RAB44: variants seen among roughly 807,000 people sequenced by gnomAD.
The protein encoded by RAB44 is RAB44, member RAS oncogene family.
RAB44 carries 67 observed loss-of-function variants against 93.3 expected under a neutral mutation model. The ratio of observed to expected loss-of-function variants is 0.72; its 90% CI spans 0.59 to 0.88. The LOEUF (loss-of-function observed/expected upper bound fraction) is 0.88. Ranked by LOEUF, RAB44 falls within the 40% of genes least tolerant of loss-of-function variation. RAB44 has a pLI of 0.00. For missense variants in RAB44, 1,064 were observed against 1,261.7 expected (o/e 0.84, Z 2.37); for synonymous variants, 427 against 520.3 (o/e 0.82, Z 2.44).
intron 1 of RAB44, among the ~76,000 whole-genome samples, chr6:36,698,358 C>T (rs182803890): frequency 1.9e-3 from 283 of 152,260 alleles, no homozygotes; most frequent in Middle Eastern, 3.4e-3. Context: ...GTGATGGATA[C>T]CCGGAGGCCC....
chr6:36,701,911 C>T (rs1036939499), intron 1 of RAB44, among the ~76,000 whole-genome samples: 3 of 151,970 alleles, frequency 2.0e-5, no homozygotes, highest in Non-Finnish European at 4.4e-5. Context: ...TGTCTGCCAG[C>T]AGGAAGTACC....
intron 9 of RAB44, among the ~76,000 whole-genome samples, chr6:36,725,149 C>A (rs977264484): frequency 1.3e-5 from 2 of 152,208 alleles, no homozygotes; most frequent in Non-Finnish European, 2.9e-5. Flanking sequence ...TTCAGAATTG[C>A]ATGCTCTCTG....
At position 36,721,917 on chromosome 6, in the gene RAB44, G is replaced by A. The variant is rs1450915769; in HGVS notation, c.1783G>A (p.Ala595Thr). The change falls in exon 9 of 14, where the codon GCC becomes ACC. Residue 595 changes from alanine (A) to threonine (T), a missense_variant. Ala to Thr is a moderately conservative substitution (Grantham distance 58). Transcript: ENST00000612677. ...QRDALQQDLH[A>T]TGSEPRLGTQ... ...AGATGCCCTCCAGCAGGACCTGCAT[G>A]CCACTGGCTCTGAGCCAAGACTGGG... 4.9e-6 allele frequency: 6 copies of A among 1,234,782 alleles called. No homozygotes were observed. The allele number at this position is 1,234,782 out of a possible 1,614,324, so 76.5% of individuals were successfully genotyped here.
chr6:36,729,465 A>G (rs1763309877), intron 12 of RAB44, among the ~76,000 whole-genome samples: 1 of 147,982 alleles, frequency 6.8e-6, no homozygotes, highest in South Asian at 2.1e-4. Flanking sequence ...CTGGAAGGGA[A>G]TTTTTTTTCT....
rs1763337026 is a variant in RAB44 at position 36,730,583 on chromosome 6, CTG to C, written c.2899-89_2899-88del. On this transcript the variant is annotated intron_variant, in intron 12 of 13. Coordinates refer to ENST00000612677, the MANE Select transcript of RAB44 (RefSeq NM_001257357.2). ...GTCAGCTTAGGGATGCATTGGGACT[CTG>C]ATGGCCGGGACTTTAGTGGCGGGGT... 3.8e-6 allele frequency: 3 copies of C among 797,324 alleles called. No homozygotes were observed. In the East Asian group the frequency reaches 1.0e-4, roughly 27 times the overall value. The allele number at this position is 797,324 out of a possible 1,614,324, so 49.4% of individuals were successfully genotyped here. A position where few individuals can be genotyped will look rare whatever the true frequency, so the allele number is the denominator to read the frequency against.
intron 3 of RAB44, among the ~76,000 whole-genome samples, chr6:36,714,303 G>A (rs983991638): frequency 4.1e-4 from 62 of 152,298 alleles, no homozygotes; most frequent in Admixed American, 1.8e-3. Context: ...CTTTCCAGGT[G>A]CTGAGCCCCC....
At chr6:36,711,074 A>G (rs1476659823) in intron 2 of RAB44, among the ~76,000 whole-genome samples, 1 of 152,250 alleles carries the variant, frequency 6.6e-6, no homozygotes, top group East Asian at 1.9e-4. Flanking sequence ...TTTGTTTTAG[A>G]AATTATCCAG....
intron 2 of RAB44, among the ~76,000 whole-genome samples, chr6:36,704,984 G>A (rs575466857): frequency 6.0e-4 from 92 of 152,172 alleles, no homozygotes; most frequent in African/African-American, 2.0e-3. Context: ...GCCAGGCATG[G>A]TGGTAGGTGC....
At position 36,730,751 on chromosome 6, in the gene RAB44, T is replaced by G. The variant is rs1763343311; in HGVS notation, c.2975+2T>G. ...GGAGCCTGTAGTAAACCTGGCCAGG[T>G]AAGTGCTGCCCGCCCCCCGCCGCCC... On this transcript the variant is annotated splice_donor_variant, in intron 13 of 13. Coordinates refer to ENST00000612677, the MANE Select transcript of RAB44 (RefSeq NM_001257357.2). LOFTEE classifies it high-confidence loss of function. 8.1e-7 allele frequency: 1 copy of G among 1,230,754 alleles called. No individual in the cohort carries two copies. The highest frequency in any genetic ancestry group is 4.2e-5 in the Admixed American group (1 of 23,614). 76.2% of individuals were successfully genotyped at this position (1,230,754 alleles called of 1,614,324 possible). A position where few individuals can be genotyped will look rare whatever the true frequency, so the allele number is the denominator to read the frequency against.
chr6:36,726,075 A>C (rs1355079670), intron 10 of RAB44, 132 bp downstream of exon 10: 5 of 692,008 alleles, frequency 7.2e-6, no homozygotes, highest in African/African-American at 3.5e-5. Context: ...AGGGAAGGAG[A>C]GATGAGTCAA....
chr6:36,706,765 C>T (rs1762659462), intron 2 of RAB44, among the ~76,000 whole-genome samples: 1 of 150,126 alleles, frequency 6.7e-6, no homozygotes, highest in African/African-American at 2.5e-5. Context: ...CTTGCTCTTT[C>T]ACCTAGGCTG....
At position 36,731,377 on chromosome 6, in the gene RAB44, A is replaced by AT. The variant is rs1374036186; in HGVS notation, c.2976-625dup. Among the ~76,000 whole-genome samples the AT allele has an allele frequency of 6.6e-6, 1 of 152,186 alleles. No individual in the cohort carries two copies. The highest frequency in any genetic ancestry group is 1.9e-4 in the East Asian group (1 of 5,200). On this transcript the variant is annotated intron_variant, in intron 13 of 13. Coordinates refer to ENST00000612677, the MANE Select transcript of RAB44 (RefSeq NM_001257357.2). The surrounding 1 kb of genome is among the most constrained non-coding windows in gnomAD (Gnocchi z 4.0). ...TCTTGTTGTCCAGGAAGGCAGGGCC[A>AT]TGTCTGTTTTGTTCAGCCCCTCTCC...
chr6:36,720,614 T>C (rs1226077570), intron 8 of RAB44, 64 bp downstream of exon 8: 1 of 1,160,542 alleles, frequency 8.6e-7, no homozygotes, highest in Non-Finnish European at 1.1e-6. Context: ...AGTGGGGAAC[T>C]CTGAGTTCTC....
intron 13 of RAB44, among the ~76,000 whole-genome samples, 195 bp downstream of exon 13, chr6:36,730,944 C>A (rs1763350541): frequency 6.6e-6 from 1 of 152,076 alleles, no homozygotes; most frequent in Non-Finnish European, 1.5e-5. Context: ...AGTCTCCTGA[C>A]TCCAGCTCTG....
In RAB44 at chr6:36,732,003, G is replaced by A; in HGVS notation, c.2976G>A (p.Arg992=). The change falls in exon 14 of 14, where the codon AGG becomes AGA. Residue 992 remains arginine, a splice_region_variant and synonymous_variant. Coordinates refer to ENST00000612677, the MANE Select transcript of RAB44 (RefSeq NM_001257357.2). ...NILEPVVNLA[R]SLRMQEEGLK... ...CCTGATGCCTGGCACTGTCACATAG[G>A]TCACTCAGGATGCAAGAAGAAGGCC... 1 of 1,234,040 alleles carries A rather than the reference G, an allele frequency of 8.1e-7. No individual in the cohort carries two copies. Among genetic ancestry groups the A allele is most frequent in the Non-Finnish European group, 1.0e-6 (1 of 988,162 alleles). 76.4% of individuals were successfully genotyped at this position (1,234,040 alleles called of 1,614,324 possible).
chr6:36,715,879 G>T (rs558991322), intron 4 of RAB44, among the ~76,000 whole-genome samples: 11 of 152,318 alleles, frequency 7.2e-5, no homozygotes, highest in African/African-American at 2.6e-4. Flanking sequence ...TTAAAACCAC[G>T]TGCAGAGGAT....
Position 36,721,788 on chromosome 6 carries a change from C to T in RAB44, c.1654C>T (p.Pro552Ser). The T allele has an allele frequency of 8.1e-7, 1 of 1,234,534 alleles. No homozygotes were observed. Among genetic ancestry groups the T allele is most frequent in the African/African-American group, 1.5e-5 (1 of 64,608 alleles). 76.5% of individuals were successfully genotyped at this position (1,234,534 alleles called of 1,614,324 possible). A position where few individuals can be genotyped will look rare whatever the true frequency, so the allele number is the denominator to read the frequency against. ...QPGAGAGPQE[P>S]TQTPPTMTER... is the part of the protein sequence containing the mutation. ...TGGGGCTGGAGCAGGACCCCAGGAACCCACACAAACCCCTCCCACCATGAC... is the reference window on the plus strand; with the variant it reads ...TGGGGCTGGAGCAGGACCCCAGGAATCCACACAAACCCCTCCCACCATGAC... The change falls in exon 9 of 14, where the codon CCC becomes TCC. Residue 552 changes from proline (P) to serine (S), a missense_variant. Physicochemically the swap from Pro to Ser is moderately conservative, Grantham distance 74. Coordinates refer to ENST00000612677, the MANE Select transcript of RAB44 (RefSeq NM_001257357.2).
chr6:36,728,914 T>G, intron 12 of RAB44, 113 bp downstream of exon 12: 2 of 826,510 alleles, frequency 2.4e-6, no homozygotes, highest in South Asian at 1.6e-5. Flanking sequence ...CCGTGGCCCA[T>G]TCCTGCCCCT....
At chr6:36,706,410 A>G (rs2035068036) in intron 2 of RAB44, among the ~76,000 whole-genome samples, 2 of 152,182 alleles carry the variant, frequency 1.3e-5, no homozygotes, top group Admixed American at 1.3e-4. Flanking sequence ...CACCTGCATC[A>G]CCTGTAAATT....
Sources: allele counts gnomAD v4.1 joint callset (sites outside exome capture counted in the v4.1 genomes callset), GRCh38; gene constraint gnomAD v4.1.1; non-coding constraint Gnocchi (gnomAD v3.1); transcripts MANE v1.5; gene names NCBI Gene and HGNC (gene_info 2026-07-23, HGNC 2026-07-21).